The following SGMS1 variants were observed in gnomAD, a reference collection of about 807,000 sequenced individuals.
SGMS1 encodes sphingomyelin synthase 1, also known as phosphatidylcholine:ceramide cholinephosphotransferase 1.
In SGMS1, 13 loss-of-function variants were observed where a neutral mutation model predicts 46.2. The observed-to-expected ratio is 0.28, with a 90% CI of 0.18 to 0.45. The LOEUF (loss-of-function observed/expected upper bound fraction) is 0.45, where lower values mean the gene tolerates loss of function less well. Among genes scored for constraint, SGMS1 ranks in the 20% least tolerant of loss-of-function variants. The probability of loss-of-function intolerance (pLI) is 1.00; values close to 1 mark genes in which losing one functional copy is unlikely to be tolerated. For missense variants in SGMS1, 324 were observed against 519.9 expected, an observed-to-expected ratio of 0.62 and a Z score of 3.66; for synonymous variants, 203 against 187.8, an observed-to-expected ratio of 1.08 and a Z score of -0.66.
chr10:50,324,597 G>A (rs1368453663), intron 8 of SGMS1, among the ~76,000 whole-genome samples: 2 of 152,270 alleles, frequency 1.3e-5, no homozygotes, highest in African/African-American at 4.8e-5. Flanking sequence ...TCTTAAGCTT[G>A]ATCTGCCATC....
At chr10:50,508,477 T>A (rs1026096084) in intron 3 of SGMS1, among the ~76,000 whole-genome samples, 1 of 152,126 alleles carries the variant, frequency 6.6e-6, no homozygotes, top group Non-Finnish European at 1.5e-5. Context: ...CAGTGAAATA[T>A]CAAGTGACAA....
chr10:50,623,798 A>T lies in SGMS1; in HGVS notation c.-775T>A, dbSNP rs1838881732. ...GGGCAGGGCAGCGTCGGGGCTCCGCACCCCAATCGCGCTCTCCGACCGGCT... is the reference window on the plus strand; with the variant it reads ...GGGCAGGGCAGCGTCGGGGCTCCGCTCCCCAATCGCGCTCTCCGACCGGCT... On this transcript the variant is annotated 5_prime_UTR_variant, in exon 1 of 11. Coordinates refer to ENST00000361781, the MANE Select transcript of SGMS1 (RefSeq NM_147156.4). 6 of 985,156 alleles carry T rather than the reference A, an allele frequency of 6.1e-6. No individual in the cohort carries two copies. The highest frequency in any genetic ancestry group is 7.2e-6 in the Non-Finnish European group (6 of 829,958). The allele number at this position is 985,156 out of a possible 1,614,324, so 61.0% of individuals were successfully genotyped here.
intron 6 of SGMS1, among the ~76,000 whole-genome samples, chr10:50,364,597 G>T (rs1848304788): frequency 1.3e-5 from 2 of 152,114 alleles, no homozygotes. Flanking sequence ...AGTTTTGATT[G>T]TACTTCCAAT....
At chr10:50,559,493 T>C (rs150745023) in intron 2 of SGMS1, among the ~76,000 whole-genome samples, 3 of 152,360 alleles carry the variant, frequency 2.0e-5, no homozygotes, top group African/African-American at 7.2e-5. Context: ...GCCAATTCTC[T>C]GGACACAGAA....
chr10:50,440,527 C>T lies in SGMS1; in HGVS notation c.-312-6971G>A, dbSNP rs577407277. On this transcript the variant is annotated intron_variant, in intron 5 of 10. Coordinates refer to ENST00000361781, the MANE Select transcript of SGMS1 (RefSeq NM_147156.4). ...ATCTGAATGCTTTGACATAATATTG[C>T]TAAGTAATACTAATGTCACTAAAGG... Among the ~76,000 whole-genome samples the T allele has an allele frequency of 7.2e-5, 11 of 152,238 alleles. No homozygotes were observed. In the East Asian group the frequency reaches 2.1e-3, roughly 29 times the overall value.
intron 6 of SGMS1, among the ~76,000 whole-genome samples, chr10:50,393,388 GAATGACTCACATT>G (rs1848804044): frequency 1.3e-5 from 2 of 152,128 alleles, no homozygotes; most frequent in Admixed American, 1.3e-4. Context: ...TGACGCACAA[GAATGACTCACATT>G]AGACCGATGA....
intron 6 of SGMS1, among the ~76,000 whole-genome samples, chr10:50,352,324 A>T (rs1848032757): frequency 6.6e-6 from 1 of 152,044 alleles, no homozygotes; most frequent in South Asian, 2.1e-4. Flanking sequence ...GGAAAGACAA[A>T]ATATCATATC....
intron 1 of SGMS1, among the ~76,000 whole-genome samples, chr10:50,594,461 T>G (rs1469027817): frequency 6.6e-6 from 1 of 152,228 alleles, no homozygotes; most frequent in African/African-American, 2.4e-5. Context: ...TCAAATAATT[T>G]CTGTGAAATA....
At chr10:50,353,091 G>A (rs1848051206) in intron 6 of SGMS1, among the ~76,000 whole-genome samples, 1 of 152,190 alleles carries the variant, frequency 6.6e-6, no homozygotes, top group Admixed American at 6.5e-5. Flanking sequence ...CATTTGATAA[G>A]GCCAGCATCA....
intron 3 of SGMS1, among the ~76,000 whole-genome samples, chr10:50,478,117 C>T (rs1837444469): frequency 6.6e-6 from 1 of 152,154 alleles, no homozygotes; most frequent in Admixed American, 6.5e-5. Context: ...ATTCCAACTG[C>T]ATAGATGTAT....
intron 7 of SGMS1, among the ~76,000 whole-genome samples, chr10:50,331,232 C>T (rs1847619587): frequency 6.6e-6 from 1 of 152,286 alleles, no homozygotes; most frequent in African/African-American, 2.4e-5. Flanking sequence ...ATATACCAAG[C>T]TCTGTGTCAT....
At chr10:50,579,365 A>G (rs1564436588) in intron 2 of SGMS1, among the ~76,000 whole-genome samples, 1 of 152,190 alleles carries the variant, frequency 6.6e-6, no homozygotes, top group Non-Finnish European at 1.5e-5. Context: ...GAATTCAACA[A>G]TGATACACTT....
chr10:50,394,054 C>A (rs183110428), intron 6 of SGMS1, among the ~76,000 whole-genome samples: 1 of 152,294 alleles, frequency 6.6e-6, no homozygotes, highest in Admixed American at 6.5e-5. Context: ...CAAGCCAATT[C>A]CCTAGGCTGA....
chr10:50,456,461 T>C (rs1837192397), intron 5 of SGMS1, among the ~76,000 whole-genome samples: 1 of 152,180 alleles, frequency 6.6e-6, no homozygotes, highest in Admixed American at 6.5e-5. Flanking sequence ...CAAGAAGTAA[T>C]AATAAGTCAT....
At chr10:50,350,535 AGGAGGAAAAC>A (rs1847990706) in intron 6 of SGMS1, among the ~76,000 whole-genome samples, 2 of 152,182 alleles carry the variant, frequency 1.3e-5, no homozygotes, top group Admixed American at 6.5e-5. Context: ...TCACAGGCCC[AGGAGGAAAAC>A]GTTGTTTCAT....
At chr10:50,336,761 T>G (rs746017445) in intron 7 of SGMS1, among the ~76,000 whole-genome samples, 5 of 152,124 alleles carry the variant, frequency 3.3e-5, no homozygotes, top group Non-Finnish European at 7.4e-5. Context: ...ACTGTAGGAT[T>G]CTGGGCAAGT....
At chr10:50,377,369 G>A (rs1478939811) in intron 6 of SGMS1, among the ~76,000 whole-genome samples, 3 of 152,132 alleles carry the variant, frequency 2.0e-5, no homozygotes, top group Non-Finnish European at 4.4e-5. Flanking sequence ...CCATTCATAA[G>A]GGCAGAGTCC....
rs1313348623 is a variant in SGMS1, at chr10:50,519,847, AC to A, written c.-515del. The A allele has an allele frequency of 6.6e-6, 1 of 152,246 alleles. No individual in the cohort carries two copies. Among genetic ancestry groups the A allele is most frequent in the Non-Finnish European group, 1.5e-5 (1 of 68,028 alleles). 9.4% of individuals were successfully genotyped at this position (152,246 alleles called of 1,614,324 possible). Reference sequence around the variant, plus strand: ...CTGACTTACCTGTATTTTATTACACACCCTCTGCTGTGTTCCAACTTTACTG... The same window carrying A: ...CTGACTTACCTGTATTTTATTACACACCTCTGCTGTGTTCCAACTTTACTG... On this transcript the variant is annotated 5_prime_UTR_variant, in exon 3 of 11. Transcript: ENST00000361781.
chr10:50,375,131 G>A (rs1456331140), intron 6 of SGMS1, among the ~76,000 whole-genome samples: 1 of 152,068 alleles, frequency 6.6e-6, no homozygotes, highest in Non-Finnish European at 1.5e-5. Context: ...AAAGAAGTAA[G>A]GAAGTGGGAT....
Sources: gnomAD v4.1 joint callset for allele counts (sites outside exome capture counted in the v4.1 genomes callset) on GRCh38, gnomAD v4.1.1 for gene constraint, MANE v1.5 for transcripts, NCBI Gene and HGNC (gene_info 2026-07-23, HGNC 2026-07-21) for gene names.